The following UNC13B variants were observed in gnomAD, a reference collection of about 807,000 sequenced individuals.
The protein encoded by UNC13B is protein unc-13 homolog B.
In UNC13B, 144 loss-of-function variants were observed where a neutral mutation model predicts 211.0. That is an observed-to-expected ratio of 0.68 (90% CI 0.60 to 0.78). UNC13B has a LOEUF of 0.78. Among genes scored for constraint, UNC13B ranks in the 30% least tolerant of loss-of-function variants. The pLI, the probability that UNC13B is intolerant of heterozygous loss-of-function variation, is 0.00. For synonymous variants in UNC13B, 709 were observed against 725.8 expected, an observed-to-expected ratio of 0.98 and a Z score of 0.37; for missense variants, 1,777 against 2,002.0, an observed-to-expected ratio of 0.89 and a Z score of 2.14.
At chr9:35,251,216 G>A (rs1826462266) in intron 6 of UNC13B, among the ~76,000 whole-genome samples, 2 of 151,900 alleles carry the variant, frequency 1.3e-5, no homozygotes, top group South Asian at 4.2e-4. Context: ...CGCCCGCCTC[G>A]GCCTCCCAAA....
At chr9:35,269,503 A>G (rs188445401) in intron 7 of UNC13B, among the ~76,000 whole-genome samples, 1 of 152,298 alleles carries the variant, frequency 6.6e-6, no homozygotes, top group East Asian at 1.9e-4. Flanking sequence ...GATTGGTTAA[A>G]TCATTGATCA....
chr9:35,382,546 C>T lies in UNC13B; in HGVS notation c.10806+39C>T, dbSNP rs370896167. On this transcript the variant is annotated intron_variant, in intron 21 of 39. Coordinates refer to ENST00000635942, the MANE Select transcript of UNC13B (RefSeq NM_001371189.2). ...AAACACATATGTCTGCATTTGTTAC[C>T]AATTAATAAAGTTTGATTTTTTTTT... 3.3e-6 allele frequency: 5 copies of T among 1,538,118 alleles called. No homozygotes were observed. The African/African-American group carries it at 4.2e-5, about 13-fold the overall frequency.
intron 15 of UNC13B, 77 bp downstream of exon 15, chr9:35,376,324 G>C: frequency 6.9e-7 from 1 of 1,447,688 alleles, no homozygotes; most frequent in Non-Finnish European, 9.5e-7. Flanking sequence ...AAAGAGCTGG[G>C]ATGGCTGAAC....
At chr9:35,333,791 C>A (rs1163863003) in intron 11 of UNC13B, among the ~76,000 whole-genome samples, 4 of 152,132 alleles carry the variant, frequency 2.6e-5, no homozygotes, top group African/African-American at 9.7e-5. Flanking sequence ...TCACTCACTC[C>A]AACCTTTAGG....
chr9:35,369,579 G>A (rs1833988840), intron 12 of UNC13B, among the ~76,000 whole-genome samples: 1 of 152,242 alleles, frequency 6.6e-6, no homozygotes. Context: ...ATGTCCAGCT[G>A]CTGTAGCTGT....
rs549752884 is a variant in UNC13B, at chr9:35,306,766, A to G, written c.7362A>G (p.Ser2454=). 6.6e-4 allele frequency: 262 copies of G among 399,078 alleles called. No homozygotes were observed. Among genetic ancestry groups the G allele is most frequent in the African/African-American group, 4.7e-3 (227 of 48,764 alleles). The allele number at this position is 399,078 out of a possible 1,614,324, so 24.7% of individuals were successfully genotyped here. ...KEEDKFALGS[S]VDMLSGFVTK... Reference sequence around the variant, plus strand: ...AAGACAAATTTGCATTAGGCTCTTCAGTAGACATGCTTTCAGGGTTTGTGA... The same window carrying G: ...AAGACAAATTTGCATTAGGCTCTTCGGTAGACATGCTTTCAGGGTTTGTGA... Residue 2454 remains serine, a synonymous_variant, in exon 9 of 40, where the codon TCA becomes TCG. Transcript: ENST00000635942.
chr9:35,318,956 A>G (rs1830599244), intron 11 of UNC13B, among the ~76,000 whole-genome samples: 1 of 152,200 alleles, frequency 6.6e-6, no homozygotes, highest in Non-Finnish European at 1.5e-5. Flanking sequence ...GAACACTGCC[A>G]GTCACAATGG....
At position 35,398,931 on chromosome 9, in the gene UNC13B, G is replaced by C. The variant is rs1391975188; in HGVS notation, c.11971G>C (p.Gly3991Arg). 6.2e-7 allele frequency: 1 copy of C among 1,614,172 alleles called. No individual in the cohort carries two copies. The highest frequency in any genetic ancestry group is 1.3e-5 in the African/African-American group (1 of 75,040). ...TGTTCGACAAATGGCCGACATCCTG[G>C]GCCAGGTTCGGGGCACAGGGAATGC... Reference protein sequence around the residue: ...ECVRQMADILGQVRGTGNASP... With the variant: ...ECVRQMADILRQVRGTGNASP... Residue 3991 changes from glycine to arginine, a missense_variant, in exon 33 of 40, where the codon GGC (glycine) becomes CGC (arginine). Transcript: ENST00000635942.
At chr9:35,374,505 T>C (rs1438180012) in intron 13 of UNC13B, among the ~76,000 whole-genome samples, 4 of 137,250 alleles carry the variant, frequency 2.9e-5, no homozygotes, top group African/African-American at 1.2e-4. Flanking sequence ...GGCAGATACA[T>C]GGGGCCCCCT....
In UNC13B at chr9:35,390,636, C is replaced by G; in HGVS notation, c.11230C>G (p.Gln3744Glu). ...GTTTCTTCTGTCATCCAGGTTTCCTCAGGAGTTGAATGTGGGAAAAGTCAG... is the reference window on the plus strand; with the variant it reads ...GTTTCTTCTGTCATCCAGGTTTCCTGAGGAGTTGAATGTGGGAAAAGTCAG... ...SYTPVLNQFP[Q>E]ELNVGKVSAE... The change falls in exon 26 of 40, where the codon CAG becomes GAG. Residue 3744 changes from glutamine (Q) to glutamate (E), a missense_variant. Gln to Glu is a conservative substitution (Grantham distance 29). Coordinates refer to ENST00000635942, the MANE Select transcript of UNC13B (RefSeq NM_001371189.2). The G allele has an allele frequency of 3.1e-6, 5 of 1,613,884 alleles. No individual in the cohort carries two copies. In the South Asian group the frequency reaches 5.5e-5, roughly 18 times the overall value.
intron 11 of UNC13B, among the ~76,000 whole-genome samples, chr9:35,327,055 C>T (rs1469173246): frequency 6.6e-6 from 1 of 152,096 alleles, no homozygotes; most frequent in Admixed American, 6.6e-5. Context: ...CATGTTTTGC[C>T]TTAATTATGC....
chr9:35,368,089 CA>C (rs1420341558), intron 12 of UNC13B, among the ~76,000 whole-genome samples: 4 of 152,084 alleles, frequency 2.6e-5, no homozygotes, highest in African/African-American at 9.7e-5. Flanking sequence ...GTTTTAGGTT[CA>C]GGGGTACATG....
At chr9:35,222,542 A>G (rs1433439451) in intron 1 of UNC13B, among the ~76,000 whole-genome samples, 1 of 152,162 alleles carries the variant, frequency 6.6e-6, no homozygotes, top group Non-Finnish European at 1.5e-5. Context: ...ATGCTTGTAT[A>G]CCATCTTTTG....
chr9:35,346,419 G>A (rs1832362194), intron 11 of UNC13B, among the ~76,000 whole-genome samples: 1 of 152,098 alleles, frequency 6.6e-6, no homozygotes. Context: ...TCAGAGAGAA[G>A]GATAAAAGAA....
At chr9:35,241,594 CACCACCAT>C (rs778611334) in intron 5 of UNC13B, among the ~76,000 whole-genome samples, 87 of 109,658 alleles carry the variant, frequency 7.9e-4, no homozygotes, top group Admixed American at 2.1e-3. Context: ...CACACACACA[CACCACCAT>C]CTTCTTTTTA....
intron 1 of UNC13B, among the ~76,000 whole-genome samples, chr9:35,217,772 G>A (rs897373973): frequency 3.9e-5 from 6 of 152,104 alleles, no homozygotes; most frequent in Non-Finnish European, 7.4e-5. Context: ...GGCTGGGTGC[G>A]GTGGCTTACA....
chr9:35,277,647 A>T (rs1173687848), intron 7 of UNC13B, among the ~76,000 whole-genome samples: 2 of 152,148 alleles, frequency 1.3e-5, no homozygotes, highest in African/African-American at 4.8e-5. Context: ...GTGAGTAGCT[A>T]TGTAAACCAG....
At chr9:35,232,150 A>G (rs184637665) in intron 3 of UNC13B, among the ~76,000 whole-genome samples, 13 of 95,972 alleles carry the variant, frequency 1.4e-4, no homozygotes, top group African/African-American at 4.3e-4. Flanking sequence ...GACATTTCCA[A>G]TCCTCTGGGC....
At chr9:35,351,201 G>A in intron 11 of UNC13B, 1 of 750,976 alleles carries the variant, frequency 1.3e-6, no homozygotes, top group Non-Finnish European at 1.7e-6. Context: ...AATCTTAGGA[G>A]ATAATGTTTT....
Sources: allele counts gnomAD v4.1 joint callset (sites outside exome capture counted in the v4.1 genomes callset), GRCh38; gene constraint gnomAD v4.1.1; transcripts MANE v1.5; gene names NCBI Gene and HGNC (gene_info 2026-07-23, HGNC 2026-07-21).